Variants in TRAPPC9 observed in about 807,000 individuals in gnomAD.
The protein encoded by TRAPPC9 is IKK2 binding protein.
A neutral mutation model predicts 124.0 loss-of-function variants in TRAPPC9; 83 were observed. The observed-to-expected ratio is 0.67, with a 90% CI of 0.56 to 0.80. The LOEUF is 0.80. Ranked by LOEUF, TRAPPC9 falls within the 30% of genes least tolerant of loss-of-function variation. The probability of loss-of-function intolerance (pLI) is 0.00; values close to 1 mark genes in which losing one functional copy is unlikely to be tolerated. For missense variants in TRAPPC9, 1,302 were observed against 1,508.3 expected (o/e 0.86, Z 2.27); for synonymous variants, 638 against 617.5 (o/e 1.03, Z -0.49).
At chr8:140,311,566 C>T (rs1274906526) in intron 9 of TRAPPC9, among the ~76,000 whole-genome samples, 192 bp from the exon 10 acceptor site, 4 of 152,218 alleles carry the variant, frequency 2.6e-5, no homozygotes, top group Non-Finnish European at 5.9e-5. Context: ...ACCGGCACTG[C>T]TCCTCTTAAG....
chr8:140,315,739 G>C (rs1021693472), intron 9 of TRAPPC9, among the ~76,000 whole-genome samples: 11 of 152,002 alleles, frequency 7.2e-5, no homozygotes, highest in African/African-American at 2.4e-4. Context: ...AAGATACTAG[G>C]TTCCCTAAAG....
At chr8:140,432,315 C>T (rs771266533) in intron 4 of TRAPPC9, among the ~76,000 whole-genome samples, 4 of 152,136 alleles carry the variant, frequency 2.6e-5, no homozygotes, top group Non-Finnish European at 5.9e-5. Flanking sequence ...CTGAAATCTG[C>T]TTCAAGGAAG....
intron 21 of TRAPPC9, among the ~76,000 whole-genome samples, chr8:139,878,578 C>T (rs1829479329): frequency 6.6e-6 from 1 of 152,178 alleles, no homozygotes; most frequent in Admixed American, 6.5e-5. Flanking sequence ...CATGGGAGAA[C>T]CTCAGGCTTC....
chr8:140,259,891 G>A (rs996461600), intron 15 of TRAPPC9, among the ~76,000 whole-genome samples: 3 of 152,166 alleles, frequency 2.0e-5, no homozygotes, highest in East Asian at 1.9e-4. Context: ...CAGACATCAC[G>A]CTTAGAACAG....
intron 9 of TRAPPC9, among the ~76,000 whole-genome samples, chr8:140,358,387 A>G (rs1233702398): frequency 6.6e-6 from 1 of 152,110 alleles, no homozygotes; most frequent in Admixed American, 6.5e-5. Context: ...TTGTATTTTT[A>G]GTAGACACGG....
intron 19 of TRAPPC9, among the ~76,000 whole-genome samples, chr8:139,969,471 C>T (rs1486829889): frequency 6.6e-6 from 1 of 152,202 alleles, no homozygotes; most frequent in Non-Finnish European, 1.5e-5. Context: ...GGTCTCATGG[C>T]CTAGGTTCGG....
chr8:140,072,715 ATATG>A (rs1219513661), intron 17 of TRAPPC9, among the ~76,000 whole-genome samples: 1 of 152,150 alleles, frequency 6.6e-6, no homozygotes, highest in Non-Finnish European at 1.5e-5. Flanking sequence ...TATCTTCACT[ATATG>A]TGTGTATACA....
chr8:140,046,212 T>C (rs61112761), intron 17 of TRAPPC9, among the ~76,000 whole-genome samples: 20,495 of 152,294 alleles, frequency 0.13, 1,635 homozygotes, highest in African/African-American at 0.22. Context: ...CACGGTGCAA[T>C]AGAGCTCTTC....
chr8:140,458,475 C>A (rs1222928599), upstream of TRAPPC9: 6 of 1,572,548 alleles, frequency 3.8e-6, no homozygotes, highest in African/African-American at 2.7e-5. Flanking sequence ...TCCAGGATCG[C>A]AGGGCCCGGG....
At chr8:139,880,315 GTGGAAATGGATAC>G (rs1484257401) in intron 21 of TRAPPC9, among the ~76,000 whole-genome samples, 2 of 152,198 alleles carry the variant, frequency 1.3e-5, no homozygotes, top group African/African-American at 4.8e-5. Flanking sequence ...TGCAGTAGGA[GTGGAAATGGATAC>G]CCTGGTGGCC....
At chr8:140,327,433 T>C (rs2066768763) in intron 9 of TRAPPC9, among the ~76,000 whole-genome samples, 1 of 152,056 alleles carries the variant, frequency 6.6e-6, no homozygotes, top group Non-Finnish European at 1.5e-5. Flanking sequence ...CCATTGAAAA[T>C]AGATACTTAA....
chr8:139,820,858 T>A (rs76711515), intron 21 of TRAPPC9, among the ~76,000 whole-genome samples: 1,852 of 152,348 alleles, frequency 0.012, 97 homozygotes, highest in East Asian at 0.1. Context: ...CAAGGATCTA[T>A]CTTATTGTAT....
At position 140,457,708 on chromosome 8, in the gene TRAPPC9, C is replaced by G. The variant is rs1323872876; in HGVS notation, c.-80G>C. 4.0e-6 allele frequency: 4 copies of G among 988,298 alleles called. No individual in the cohort carries two copies. Among genetic ancestry groups the G allele is most frequent in the African/African-American group, 3.5e-5 (2 of 57,284 alleles). 61.2% of individuals were successfully genotyped at this position (988,298 alleles called of 1,614,324 possible). A position where few individuals can be genotyped will look rare whatever the true frequency, so the allele number is the denominator to read the frequency against. ...GGGCAGCGGGGCCGAGCAGCCTCTG[C>G]GGCCACTTCCCAGGCTCTGGGCTGG... On this transcript the variant is annotated 5_prime_UTR_variant, in exon 1 of 23. Transcript: ENST00000438773.
intron 7 of TRAPPC9, among the ~76,000 whole-genome samples, chr8:140,386,531 CAG>C (rs1194220913): frequency 3.9e-5 from 6 of 152,068 alleles, no homozygotes; most frequent in Admixed American, 3.9e-4. Context: ...AACAGACAAA[CAG>C]AGAGCCAAAT....
At chr8:139,911,071 C>A (rs1476142002) in intron 19 of TRAPPC9, among the ~76,000 whole-genome samples, 1 of 152,242 alleles carries the variant, frequency 6.6e-6, no homozygotes, top group Non-Finnish European at 1.5e-5. Context: ...CCACCCAAAT[C>A]TCATCTTGAG....
chr8:139,949,420 A>G (rs1432151399), intron 19 of TRAPPC9, among the ~76,000 whole-genome samples: 1 of 152,228 alleles, frequency 6.6e-6, no homozygotes, highest in Non-Finnish European at 1.5e-5. Context: ...CAATGAGAAC[A>G]TTTCCATATA....
intron 17 of TRAPPC9, among the ~76,000 whole-genome samples, chr8:140,219,127 T>C (rs1295700407): frequency 6.6e-6 from 1 of 152,104 alleles, no homozygotes; most frequent in Non-Finnish European, 1.5e-5. Flanking sequence ...AAGGCCTTGG[T>C]GAGACCCCAG....
chr8:140,159,570 GA>G (rs1397020456), intron 17 of TRAPPC9, among the ~76,000 whole-genome samples: 1 of 152,156 alleles, frequency 6.6e-6, no homozygotes, highest in African/African-American at 2.4e-5. Flanking sequence ...ATATTTCATA[GA>G]TAATGCCAGA....
chr8:140,185,955 C>T (rs1294055847), intron 17 of TRAPPC9, among the ~76,000 whole-genome samples: 1 of 152,118 alleles, frequency 6.6e-6, no homozygotes, highest in Non-Finnish European at 1.5e-5. Flanking sequence ...AATTAGCCAA[C>T]AAAAAAGTCA....
Sources: gnomAD v4.1 joint callset for allele counts (sites outside exome capture counted in the v4.1 genomes callset) on GRCh38, gnomAD v4.1.1 for gene constraint, MANE v1.5 for transcripts, NCBI Gene and HGNC (gene_info 2026-07-23, HGNC 2026-07-21) for gene names.